Variants in ITPR3 observed in about 807,000 individuals in gnomAD.
The protein encoded by ITPR3 is inositol 1,4,5-trisphosphate-gated calcium channel ITPR3.
Under a neutral mutation model 293.2 loss-of-function variants are expected in ITPR3, and 173 were observed. The observed-to-expected ratio is 0.59, with a 90% CI of 0.52 to 0.67. The LOEUF is 0.67. ITPR3 is among the 30% of genes least tolerant of loss of function. ITPR3 has a pLI of 0.00. For missense variants in ITPR3, 2,796 were observed against 3,592.1 expected (o/e 0.78, Z 5.66); for synonymous variants, 1,295 against 1,444.4 (o/e 0.90, Z 2.35).
In ITPR3 at chr6:33,678,578, C is replaced by T. The variant is rs376414437; in HGVS notation, c.3771+35C>T. 172 of 993,082 alleles carry T rather than the reference C, an allele frequency of 1.7e-4. 1 individual carries two copies. Among genetic ancestry groups the T allele is most frequent in the African/African-American group, 3.5e-4 (12 of 34,140 alleles). The allele number at this position is 993,082 out of a possible 1,614,324, so 61.5% of individuals were successfully genotyped here. A position where few individuals can be genotyped will look rare whatever the true frequency, so the allele number is the denominator to read the frequency against. ...CAGGGCTGGGAGCACCTGGACGAGG[C>T]GGGGGATGGGGGGTGGGGGCGGGGC... is the stretch of plus-strand genomic sequence containing the variant. On this transcript the variant is annotated intron_variant, in intron 29 of 57. Coordinates refer to ENST00000605930, the MANE Select transcript of ITPR3 (RefSeq NM_002224.4).
Position 33,665,882 on chromosome 6 carries a change from T to C in ITPR3, c.1457T>C (p.Val486Ala). 1 of 1,614,110 alleles carries C rather than the reference T, an allele frequency of 6.2e-7. No homozygotes were observed. The highest frequency in any genetic ancestry group is 8.5e-7 in the Non-Finnish European group (1 of 1,180,016). Residue 486 changes from valine to alanine, a missense_variant, in exon 14 of 58, where the codon GTC becomes GCC. By Grantham distance (64) the Val-to-Ala change is moderately conservative. Transcript: ENST00000605930. Reference protein sequence around the residue: ...LEDLVFFVSDVPNNGQNVLDI... With the variant: ...LEDLVFFVSDAPNNGQNVLDI... Reference sequence around the variant, plus strand: ...GACCTGGTGTTCTTTGTCAGCGATGTCCCCAACAATGGGCAGAATGTCCTG... The same window carrying C: ...GACCTGGTGTTCTTTGTCAGCGATGCCCCCAACAATGGGCAGAATGTCCTG...
chr6:33,665,663 G>A (rs747248233), intron 13 of ITPR3, among the ~76,000 whole-genome samples, 172 bp from the exon 14 acceptor site: 3 of 152,166 alleles, frequency 2.0e-5, no homozygotes, highest in Non-Finnish European at 4.4e-5. Flanking sequence ...TGTTTGGAGA[G>A]CATTTCAGGG....
At position 33,687,160 on chromosome 6, in the gene ITPR3, G is replaced by T; in HGVS notation, c.6075+56G>T. ...AACCAGGTGGAGTGTGTTGGGATGG[G>T]GATGAGGGCCCGGCTGGCCCTACCG... is the stretch of plus-strand genomic sequence containing the variant. On this transcript the variant is annotated intron_variant, in intron 44 of 57. Coordinates refer to ENST00000605930, the MANE Select transcript of ITPR3 (RefSeq NM_002224.4). This position sits in a 1 kb window ranked among gnomAD's most constrained non-coding sequence, Gnocchi z 5.3. 5.0e-6 allele frequency: 8 copies of T among 1,599,966 alleles called. No individual in the cohort carries two copies. Among genetic ancestry groups the T allele is most frequent in the Non-Finnish European group, 6.0e-6 (7 of 1,167,826 alleles).
In ITPR3 at chr6:33,633,153, G is replaced by C. The variant is rs1255656570; in HGVS notation, c.90-7331G>C. 6.6e-6 allele frequency among the ~76,000 whole-genome samples: 1 copy of C among 152,224 alleles called. No homozygotes were observed. Among genetic ancestry groups the C allele is most frequent in the Non-Finnish European group, 1.5e-5 (1 of 68,036 alleles). ...GTGAGGGGCGATGCCGGTGGTGGGC[G>C]TAGCGGGGCGTGGGCAGGGAACCAC... On this transcript the variant is annotated intron_variant, in intron 1 of 57. Transcript: ENST00000605930. This position sits in a 1 kb window ranked among gnomAD's most constrained non-coding sequence, Gnocchi z 5.2.
intron 1 of ITPR3, among the ~76,000 whole-genome samples, chr6:33,639,897 T>C (rs1309513048): frequency 6.6e-6 from 1 of 152,056 alleles, no homozygotes; most frequent in African/African-American, 2.4e-5. Context: ...GAGGAGACTA[T>C]GAAATGAGGC....
intron 7 of ITPR3, among the ~76,000 whole-genome samples, chr6:33,662,164 G>C (rs777036086): frequency 6.6e-6 from 1 of 152,022 alleles, no homozygotes; most frequent in Non-Finnish European, 1.5e-5. Flanking sequence ...CATGGCCCCG[G>C]GGACACTGAG....
rs1211541754 is a variant in ITPR3, at chr6:33,684,097, C to T, written c.4866C>T (p.His1622=). The change falls in exon 36 of 58, where the codon CAC becomes CAT. Residue 1622 remains histidine (H), a synonymous_variant. Transcript: ENST00000605930. The surrounding 1 kb of genome is among the most constrained non-coding windows in gnomAD (Gnocchi z 4.2). ...AELSVLVDVL[H]WPELLFLEGS... ...TGTCCGTGCTGGTGGATGTCCTGCA[C>T]TGGCCTGAGCTGCTCTTCCTGGAGG... 1.9e-6 allele frequency: 3 copies of T among 1,611,708 alleles called. No homozygotes were observed. The East Asian group carries it at 6.7e-5, about 36-fold the overall frequency.
In ITPR3 at chr6:33,638,451, C is replaced by T. The variant is rs1763874776; in HGVS notation, c.90-2033C>T. On this transcript the variant is annotated intron_variant, in intron 1 of 57. Transcript: ENST00000605930. The surrounding 1 kb of genome is among the most constrained non-coding windows in gnomAD (Gnocchi z 4.3). ...GGTTATTCCCCGGCAGCCCCATCCTCAGGGGCTTTCCAAAAGTCACCTCAT... is the reference window on the plus strand; with the variant it reads ...GGTTATTCCCCGGCAGCCCCATCCTTAGGGGCTTTCCAAAAGTCACCTCAT... Among the ~76,000 whole-genome samples the T allele has an allele frequency of 6.6e-6, 1 of 152,352 alleles. No individual in the cohort carries two copies. Among genetic ancestry groups the T allele is most frequent in the African/African-American group, 2.4e-5 (1 of 41,576 alleles).
At position 33,683,103 on chromosome 6, in the gene ITPR3, G is replaced by T. The variant is rs960343187; in HGVS notation, c.4598-104G>T. ...GGGGTCTCTGTCTCCCAGACCCTTG[G>T]TCTAGTTCACTCTGTCTCCTGGTGT... On this transcript the variant is annotated intron_variant, in intron 34 of 57. Coordinates refer to ENST00000605930, the MANE Select transcript of ITPR3 (RefSeq NM_002224.4). This position sits in a 1 kb window ranked among gnomAD's most constrained non-coding sequence, Gnocchi z 4.5. 3.1e-5 allele frequency: 26 copies of T among 847,056 alleles called. No homozygotes were observed. The highest frequency in any genetic ancestry group is 4.5e-5 in the Non-Finnish European group (26 of 576,442). 52.5% of individuals were successfully genotyped at this position (847,056 alleles called of 1,614,324 possible). A position where few individuals can be genotyped will look rare whatever the true frequency, so the allele number is the denominator to read the frequency against.
chr6:33,645,007 C>T (rs1388850857), intron 2 of ITPR3, among the ~76,000 whole-genome samples: 1 of 151,658 alleles, frequency 6.6e-6, no homozygotes, highest in Non-Finnish European at 1.5e-5. Context: ...AGGTAGCCTC[C>T]TGGACAAATC....
At chr6:33,690,316 T>G in intron 51 of ITPR3, 118 bp downstream of exon 51, 1 of 1,046,218 alleles carries the variant, frequency 9.6e-7, no homozygotes, top group Non-Finnish European at 1.4e-6. Flanking sequence ...GCTGCTGGGC[T>G]GGGAGCAGTG....
intron 2 of ITPR3, among the ~76,000 whole-genome samples, chr6:33,652,310 G>A (rs559651605): frequency 6.6e-6 from 1 of 152,086 alleles, no homozygotes; most frequent in East Asian, 1.9e-4. Flanking sequence ...GTATGCATCC[G>A]GCAGATTCAT....
chr6:33,667,241 T>C lies in ITPR3; in HGVS notation c.1664T>C (p.Leu555Pro). ...GCCCCCTACCAGCACATGTTCCGCC[T>C]GTGCTACCGCGTGTTGCGGCATTCC... is the stretch of plus-strand genomic sequence containing the variant. ...KNAPYQHMFR[L>P]CYRVLRHSQE... The change falls in exon 15 of 58, where the codon CTG becomes CCG. Residue 555 changes from leucine (L) to proline (P), a missense_variant. Around this residue, in one of 8 missense-constraint regions of ITPR3, gnomAD observed 955 missense variants for 1,180.8 expected, o/e 0.81. Transcript: ENST00000605930. The surrounding 1 kb of genome is among the most constrained non-coding windows in gnomAD (Gnocchi z 4.4). 1 of 1,613,732 alleles carries C rather than the reference T, an allele frequency of 6.2e-7. No individual in the cohort carries two copies. Among genetic ancestry groups the C allele is most frequent in the Non-Finnish European group, 8.5e-7 (1 of 1,179,994 alleles).
chr6:33,690,235 C>G, intron 51 of ITPR3, 37 bp downstream of exon 51: 27 of 900,756 alleles, frequency 3.0e-5, no homozygotes, highest in Non-Finnish European at 4.0e-5. Context: ...TGGATGGGGG[C>G]ATGGGGTGGT....
At chr6:33,668,886 G>T in intron 17 of ITPR3, 88 bp from the exon 18 acceptor site, 2 of 1,396,028 alleles carry the variant, frequency 1.4e-6, no homozygotes, top group Non-Finnish European at 9.8e-7. Flanking sequence ...GTGGTGGCTG[G>T]CACTGTGTGG....
In ITPR3 at chr6:33,638,926, A is replaced by C. The variant is rs1365573741; in HGVS notation, c.90-1558A>C. Among the ~76,000 whole-genome samples the C allele has an allele frequency of 6.6e-6, 1 of 152,206 alleles. No homozygotes were observed. Among genetic ancestry groups the C allele is most frequent in the South Asian group, 2.1e-4 (1 of 4,830 alleles). On this transcript the variant is annotated intron_variant, in intron 1 of 57. Transcript: ENST00000605930. The surrounding 1 kb of genome is among the most constrained non-coding windows in gnomAD (Gnocchi z 4.3). ...GGAGTTTTGCTAGGCCTGTGGCTTC[A>C]TGGGGCCAGAGTGGAGTGAGTATTA...
Position 33,659,161 on chromosome 6 carries a change from A to G in ITPR3, c.627+42A>G, listed in dbSNP as rs1282285614. On this transcript the variant is annotated intron_variant, in intron 6 of 57. Transcript: ENST00000605930. ...TCAGCCATGCAGTGCAGGGACGTCC[A>G]CACACCCCTGGTGGTGTAGACACCC... The G allele has an allele frequency of 1.9e-6, 3 of 1,555,724 alleles. No individual in the cohort carries two copies. The African/African-American group carries it at 4.1e-5, about 21-fold the overall frequency.
In ITPR3 at chr6:33,658,055, C is replaced by G; in HGVS notation, c.369+37C>G. ...CTGCCTCTCTCCCGCCTGCCCCTCT[C>G]CCTGCCTAAGAGGCTGGGCTGGTGC... is the stretch of plus-strand genomic sequence containing the variant. On this transcript the variant is annotated intron_variant, in intron 4 of 57. Transcript: ENST00000605930. This position sits in a 1 kb window ranked among gnomAD's most constrained non-coding sequence, Gnocchi z 6.1. 1 of 1,574,186 alleles carries G rather than the reference C, an allele frequency of 6.4e-7. No homozygotes were observed. Among genetic ancestry groups the G allele is most frequent in the Middle Eastern group, 1.7e-4 (1 of 5,964 alleles).
chr6:33,694,545 T>C, intron 56 of ITPR3: 1 of 266,390 alleles, frequency 3.8e-6, no homozygotes, highest in Non-Finnish European at 7.3e-6. Flanking sequence ...GGGGCGTGCT[T>C]GTCAGGCAGG....
Sources: gnomAD v4.1 joint callset for allele counts (sites outside exome capture counted in the v4.1 genomes callset) on GRCh38, gnomAD v4.1.1 for gene constraint, gnomAD v4.1.1 regional missense constraint, Gnocchi (gnomAD v3.1) non-coding constraint, MANE v1.5 for transcripts, NCBI Gene and HGNC (gene_info 2026-07-23, HGNC 2026-07-21) for gene names.